Variants in RASGEF1C observed in about 807,000 individuals in gnomAD.
RASGEF1C encodes the protein ras-GEF domain-containing family member 1C.
RASGEF1C carries 27 observed loss-of-function variants against 58.1 expected under a neutral mutation model. The ratio of observed to expected loss-of-function variants is 0.46; its 90% confidence interval spans 0.34 to 0.64. The LOEUF is 0.64. Ranked by LOEUF, RASGEF1C falls within the 30% of genes least tolerant of loss-of-function variation. RASGEF1C has a pLI of 0.01. For synonymous variants in RASGEF1C, 243 were observed against 246.3 expected, an observed-to-expected ratio of 0.99 and a Z score of 0.13; for missense variants, 502 against 605.1, an observed-to-expected ratio of 0.83 and a Z score of 1.79.
intron 1 of RASGEF1C, among the ~76,000 whole-genome samples, chr5:180,190,681 A>ATAC (rs1756148544): frequency 6.6e-6 from 1 of 151,592 alleles, no homozygotes; most frequent in South Asian, 2.1e-4. Flanking sequence ...AATAATAATA[A>ATAC]TAATAAAAAT....
intron 1 of RASGEF1C, among the ~76,000 whole-genome samples, chr5:180,178,087 C>A (rs1767260905): frequency 6.6e-6 from 1 of 151,728 alleles, no homozygotes; most frequent in Admixed American, 6.6e-5. Flanking sequence ...CTGCCTCAGC[C>A]TCCTGAGTAG....
chr5:180,174,818 C>T (rs987219097), intron 1 of RASGEF1C, among the ~76,000 whole-genome samples: 8 of 152,176 alleles, frequency 5.3e-5, no homozygotes, highest in African/African-American at 1.9e-4. Flanking sequence ...GTTCTCTGAT[C>T]TGCTTTTCCC....
Position 180,137,866 on chromosome 5 carries a change from G to A in RASGEF1C, c.177+10C>T. ...AGCCCACTCTCCTGCCCGCTGGGTG[G>A]ATCACCCACCTCGGGGTAGTAGTCG... On this transcript the variant is annotated intron_variant, in intron 2 of 13. Transcript: ENST00000361132. The surrounding 1 kb of genome is among the most constrained non-coding windows in gnomAD (Gnocchi z 4.1). 4 of 1,610,732 alleles carry A rather than the reference G, an allele frequency of 2.5e-6. No individual in the cohort carries two copies. The highest frequency in any genetic ancestry group is 3.4e-6 in the Non-Finnish European group (4 of 1,178,876).
At chr5:180,171,318 C>A (rs1391772442) in intron 1 of RASGEF1C, among the ~76,000 whole-genome samples, 1 of 151,912 alleles carries the variant, frequency 6.6e-6, no homozygotes, top group Non-Finnish European at 1.5e-5. Context: ...AAACTGCTGA[C>A]CCCAGAGGCC....
At chr5:180,171,784 C>A (rs573459774) in intron 1 of RASGEF1C, among the ~76,000 whole-genome samples, 19 of 152,374 alleles carry the variant, frequency 1.2e-4, no homozygotes, top group African/African-American at 3.8e-4. Flanking sequence ...TTTCTCCCTG[C>A]GGCTTCTGGG....
rs374985521 is a variant in RASGEF1C, at chr5:180,132,127, T to A, written c.439-3517A>T. 1.2e-3 allele frequency among the ~76,000 whole-genome samples: 183 copies of A among 152,280 alleles called. 2 individuals carry two copies. Among genetic ancestry groups the A allele is most frequent in the African/African-American group, 4.1e-3 (169 of 41,574 alleles). ...GGCATCCCCTCGTCACTATCGTGGGTCCATGTTTATGAAGCACCAGGCCGT... is the reference window on the plus strand; with the variant it reads ...GGCATCCCCTCGTCACTATCGTGGGACCATGTTTATGAAGCACCAGGCCGT... On this transcript the variant is annotated intron_variant, in intron 4 of 13. Coordinates refer to ENST00000361132, the MANE Select transcript of RASGEF1C (RefSeq NM_175062.4).
At chr5:180,189,947 A>AAAAAG in intron 1 of RASGEF1C, among the ~76,000 whole-genome samples, 1 of 150,596 alleles carries the variant, frequency 6.6e-6, no homozygotes, top group Non-Finnish European at 1.5e-5. Context: ...AAAAAAAAAA[A>AAAAAG]AGGAAAGACA....
Position 180,177,191 on chromosome 5 carries a change from A to C in RASGEF1C, c.-7+31837T>G, listed in dbSNP as rs1280990615. 3.9e-5 allele frequency among the ~76,000 whole-genome samples: 6 copies of C among 152,166 alleles called. No homozygotes were observed. Among genetic ancestry groups the C allele is most frequent in the African/African-American group, 1.4e-4 (6 of 41,444 alleles). ...GGGGGGCTGGCTGGGCTACTTCCAG[A>C]AACGTCCAGCCGAGTAGAGGATGCA... On this transcript the variant is annotated intron_variant, in intron 1 of 13. Transcript: ENST00000361132. This position sits in a 1 kb window ranked among gnomAD's most constrained non-coding sequence, Gnocchi z 5.0.
intron 1 of RASGEF1C, among the ~76,000 whole-genome samples, chr5:180,148,033 G>T (rs1285304622): frequency 6.6e-6 from 1 of 151,924 alleles, no homozygotes; most frequent in African/African-American, 2.4e-5. Context: ...ACCTGTTTTG[G>T]GGTCATAAAT....
At chr5:180,204,029 C>CA (rs1448008838) in intron 1 of RASGEF1C, among the ~76,000 whole-genome samples, 1 of 151,614 alleles carries the variant, frequency 6.6e-6, no homozygotes, top group East Asian at 1.9e-4. Context: ...ACAACAACAA[C>CA]AAAGTGAAAT....
intron 1 of RASGEF1C, among the ~76,000 whole-genome samples, chr5:180,144,077 C>T (rs1175977829): frequency 6.6e-6 from 1 of 152,212 alleles, no homozygotes; most frequent in African/African-American, 2.4e-5. Context: ...CGCACAGTGC[C>T]TGCTGTGGAG....
intron 4 of RASGEF1C, among the ~76,000 whole-genome samples, chr5:180,133,483 C>T (rs767145203): frequency 1.1e-4 from 17 of 152,170 alleles, no homozygotes; most frequent in African/African-American, 1.9e-4. Context: ...CAGAAAGACA[C>T]GGCCCAGAGA....
chr5:180,146,812 T>G (rs560667086), intron 1 of RASGEF1C, among the ~76,000 whole-genome samples: 1 of 152,316 alleles, frequency 6.6e-6, no homozygotes, highest in South Asian at 2.1e-4. Flanking sequence ...ATCAAGGTGA[T>G]GCTGACCTCA....
intron 6 of RASGEF1C, among the ~76,000 whole-genome samples, chr5:180,121,368 C>A (rs1251420298): frequency 1.3e-5 from 2 of 151,324 alleles, no homozygotes; most frequent in African/African-American, 4.9e-5. Flanking sequence ...GGCTGGAGTG[C>A]GGTGGCGCGA....
intron 1 of RASGEF1C, among the ~76,000 whole-genome samples, chr5:180,149,705 C>T (rs924834221): frequency 3.3e-5 from 5 of 152,236 alleles, no homozygotes; most frequent in South Asian, 2.1e-4. Flanking sequence ...CCACCCGCCT[C>T]GGCCTCCCAA....
intron 1 of RASGEF1C, among the ~76,000 whole-genome samples, chr5:180,174,566 A>G (rs1010478751): frequency 2.1e-5 from 3 of 140,648 alleles, no homozygotes; most frequent in Non-Finnish European, 4.6e-5. Flanking sequence ...CTGTGTGTGC[A>G]CGTGTGTCTG....
In RASGEF1C at chr5:180,180,419, C is replaced by G. The variant is rs1561753459; in HGVS notation, c.-7+28609G>C. Among the ~76,000 whole-genome samples the G allele has an allele frequency of 2.6e-5, 4 of 152,360 alleles. 1 individual carries two copies. Among genetic ancestry groups the G allele is most frequent in the South Asian group, 4.1e-4 (2 of 4,830 alleles). On this transcript the variant is annotated intron_variant, in intron 1 of 13. Coordinates refer to ENST00000361132, the MANE Select transcript of RASGEF1C (RefSeq NM_175062.4). ...CGACCCAAAGCAGTCAGAAGACAAA[C>G]TGGCCGGTGCACCATGCTTTGGTTT... is the stretch of plus-strand genomic sequence containing the variant.
intron 1 of RASGEF1C, among the ~76,000 whole-genome samples, chr5:180,169,665 G>A (rs1767072549): frequency 1.3e-5 from 2 of 152,086 alleles, no homozygotes; most frequent in Admixed American, 6.5e-5. Context: ...TCATGAGCAT[G>A]GAGAGGCTGT....
intron 1 of RASGEF1C, among the ~76,000 whole-genome samples, chr5:180,202,860 G>T (rs746555757): frequency 6.6e-6 from 1 of 152,076 alleles, no homozygotes; most frequent in African/African-American, 2.4e-5. Context: ...CCGCCACCAC[G>T]CCGGGCTAAT....
Sources: allele counts gnomAD v4.1 joint callset (sites outside exome capture counted in the v4.1 genomes callset), GRCh38; gene constraint gnomAD v4.1.1; non-coding constraint Gnocchi (gnomAD v3.1); transcripts MANE v1.5; gene names NCBI Gene and HGNC (gene_info 2026-07-23, HGNC 2026-07-21).